Variants in SCOC observed in about 807,000 individuals in gnomAD.
SCOC encodes the protein short coiled-coil protein.
A neutral mutation model predicts 9.9 loss-of-function variants in SCOC; 7 were observed. The ratio of observed to expected loss-of-function variants is 0.71; its 90% CI spans 0.40 to 1.33. SCOC has a LOEUF of 1.33. SCOC is among the 40% of genes most tolerant of loss of function. SCOC has a pLI of 0.01. For synonymous variants in SCOC, 19 were observed against 28.2 expected (o/e 0.67, Z 1.03); for missense variants, 66 against 89.7 (o/e 0.74, Z 1.07).
intron 1 of SCOC, among the ~76,000 whole-genome samples, chr4:140,277,705 C>CA (rs941754520): frequency 4.0e-5 from 6 of 151,502 alleles, no homozygotes; most frequent in African/African-American, 9.7e-5. Context: ...AAGTCTGAAA[C>CA]AAAAAAAACA....
chr4:140,278,566 T>TGTAATCCCAAA (rs1177309250), intron 1 of SCOC, among the ~76,000 whole-genome samples: 1 of 152,212 alleles, frequency 6.6e-6, no homozygotes, highest in African/African-American at 2.4e-5. Flanking sequence ...CCCAAAGTGC[T>TGTAATCCCAAA]GGGATTACAG....
chr4:140,269,342 G>A (rs1011742905), intron 1 of SCOC, among the ~76,000 whole-genome samples: 1 of 152,158 alleles, frequency 6.6e-6, no homozygotes, highest in Non-Finnish European at 1.5e-5. Context: ...GATCATAAAA[G>A]GCCATGTAGC....
chr4:140,362,314 T>TCTTCTTCTTCTTCTTCTTCTTCTTCTTCC (rs1727596376), intron 2 of SCOC, among the ~76,000 whole-genome samples: 1 of 9,736 alleles, frequency 1.0e-4, no homozygotes, highest in Admixed American at 1.2e-3. Context: ...TTTTTTTTTT[T>TCTTCTTCTTCTTCTTCTTCTTCTTCTTCC]TGTGAGAGTC....
chr4:140,363,253 C>T (rs936438711), intron 2 of SCOC, among the ~76,000 whole-genome samples: 6 of 152,106 alleles, frequency 3.9e-5, no homozygotes, highest in Non-Finnish European at 7.4e-5. Flanking sequence ...TCATGTCTTC[C>T]GCCAGCATTC....
In SCOC at chr4:140,362,273, C is replaced by CTCTTCTTCTTCTTCTTCTT; in HGVS notation, c.71-16848_71-16847insTCTTCTTCTTCTTCTTCTT. 3.4e-4 allele frequency among the ~76,000 whole-genome samples: 10 copies of CTCTTCTTCTTCTTCTTCTT among 29,056 alleles called. 1 individual carries two copies. Among genetic ancestry groups the CTCTTCTTCTTCTTCTTCTT allele is most frequent in the African/African-American group, 8.7e-4 (7 of 8,022 alleles). 19.1% of individuals were successfully genotyped at this position (29,056 alleles called of 152,430 possible). A position where few individuals can be genotyped will look rare whatever the true frequency, so the allele number is the denominator to read the frequency against. The stretch of plus-strand genomic sequence containing the variant: ...AAAGACCGGCTAAAGACAGGTGTGT[C>CTCTTCTTCTTCTTCTTCTT]CTTACTTCTTCTTCTTCTTCTTCTT... On this transcript the variant is annotated intron_variant, in intron 2 of 4. Coordinates refer to the SCOC transcript ENST00000338517.
At position 140,322,146 on chromosome 4, in the gene SCOC, T is replaced by G. The variant is rs536932139; in HGVS notation, c.-18-21475T>G. On this transcript the variant is annotated intron_variant, in intron 1 of 4. Coordinates refer to the SCOC transcript ENST00000394205. ...TCTAGTCTGTGGTATTTTGTTATAGTAGTCTAAAACAGACTATGACAGAAA... is the reference window on the plus strand; with the variant it reads ...TCTAGTCTGTGGTATTTTGTTATAGGAGTCTAAAACAGACTATGACAGAAA... 2.6e-5 allele frequency among the ~76,000 whole-genome samples: 4 copies of G among 152,338 alleles called. No homozygotes were observed. The South Asian group carries it at 8.3e-4, about 32-fold the overall frequency.
At chr4:140,356,155 C>T (rs1543078) in intron 2 of SCOC, among the ~76,000 whole-genome samples, 145,762 of 152,298 alleles carry the variant, frequency 0.96, 69,812 homozygotes, top group East Asian at 0.99. Flanking sequence ...AAATTGTAAA[C>T]GACACCCTTC....
At chr4:140,275,408 G>A (rs1730957746) in intron 1 of SCOC, among the ~76,000 whole-genome samples, 2 of 152,180 alleles carry the variant, frequency 1.3e-5, no homozygotes, top group African/African-American at 4.8e-5. Flanking sequence ...ATGTATGATA[G>A]CCTTTACCAA....
chr4:140,368,395 C>T (rs1029806909), intron 2 of SCOC, among the ~76,000 whole-genome samples: 31 of 152,176 alleles, frequency 2.0e-4, no homozygotes, highest in African/African-American at 6.7e-4. Flanking sequence ...ATAAAATAAA[C>T]ATGTAATTAT....
upstream of SCOC, among the ~76,000 whole-genome samples, chr4:140,371,575 G>GT (rs943678427): frequency 1.7e-4 from 26 of 152,194 alleles, no homozygotes; most frequent in African/African-American, 6.0e-4. Flanking sequence ...ATGAATAATA[G>GT]TTTTTTCCCC....
intron 2 of SCOC, among the ~76,000 whole-genome samples, chr4:140,365,736 A>G (rs756491384): frequency 6.2e-4 from 95 of 152,134 alleles, no homozygotes; most frequent in Non-Finnish European, 1.2e-3. Flanking sequence ...ACCCACTTCC[A>G]CGTAATGTAA....
chr4:140,289,574 T>C (rs60412913), intron 1 of SCOC, among the ~76,000 whole-genome samples: 3,976 of 152,246 alleles, frequency 0.026, 134 homozygotes, highest in African/African-American at 0.079. Context: ...CAAATTCGTT[T>C]TGAGATTGGT....
At chr4:140,350,072 G>A (rs1726913347) in intron 2 of SCOC, among the ~76,000 whole-genome samples, 2 of 152,116 alleles carry the variant, frequency 1.3e-5, no homozygotes, top group East Asian at 1.9e-4. Context: ...TGCATGCTGT[G>A]CTGCTTCTCA....
At chr4:140,264,066 C>T (rs775411844) in intron 1 of SCOC, among the ~76,000 whole-genome samples, 25 of 151,858 alleles carry the variant, frequency 1.6e-4, no homozygotes, top group Non-Finnish European at 5.9e-5. Flanking sequence ...GTGGTACAAT[C>T]ACTGTTCACT....
At chr4:140,373,585 GA>G (rs1245645411), upstream of SCOC, 43 of 1,551,584 alleles carry the variant, frequency 2.8e-5, no homozygotes, top group Non-Finnish European at 3.7e-5. Context: ...GAGCGGCTGG[GA>G]CGGGATGGGA....
chr4:140,376,976 C>T (rs1315464189), intron 1 of SCOC, among the ~76,000 whole-genome samples: 1 of 152,210 alleles, frequency 6.6e-6, no homozygotes, highest in Non-Finnish European at 1.5e-5. Context: ...TTCGTTCTAG[C>T]TGTAGCCTTA....
chr4:140,288,910 A>G (rs897959054), intron 1 of SCOC, among the ~76,000 whole-genome samples: 7 of 152,026 alleles, frequency 4.6e-5, no homozygotes, highest in Non-Finnish European at 8.8e-5. Flanking sequence ...CCATATATGC[A>G]TACCACACAT....
chr4:140,356,881 A>C (rs1727252170), intron 2 of SCOC, among the ~76,000 whole-genome samples: 1 of 152,160 alleles, frequency 6.6e-6, no homozygotes, highest in South Asian at 2.1e-4. Flanking sequence ...ACTTTTTCCC[A>C]ATTTATTAAG....
chr4:140,373,613 C>A (rs528195754), upstream of SCOC: 3 of 1,551,678 alleles, frequency 1.9e-6, no homozygotes, highest in East Asian at 2.4e-5. Context: ...TCACGGCGCA[C>A]GTTCTGTGGG....
Sources: gnomAD v4.1 joint callset for allele counts (sites outside exome capture counted in the v4.1 genomes callset) on GRCh38, gnomAD v4.1.1 for gene constraint, MANE v1.5 for transcripts, NCBI Gene and HGNC (gene_info 2026-07-23, HGNC 2026-07-21) for gene names.